RP1: variants seen among roughly 807,000 people sequenced by gnomAD.
RP1 encodes oxygen-regulated protein 1.
In RP1, 16 loss-of-function variants were observed where a neutral mutation model predicts 14.8. The ratio of observed to expected loss-of-function variants is 1.08; its 90% CI spans 0.73 to 1.65. RP1 has a LOEUF of 1.65. RP1 is among the 40% of genes most tolerant of loss of function. The pLI is 0.00. For missense variants in RP1, 2,631 were observed against 2,535.0 expected (o/e 1.04, Z -0.81); for synonymous variants, 876 against 883.6 (o/e 0.99, Z 0.15).
chr8:54,600,004 C>T (rs1412053126), intron 1 of RP1, among the ~76,000 whole-genome samples: 1 of 152,078 alleles, frequency 6.6e-6, no homozygotes, highest in African/African-American at 2.4e-5. Context: ...GAGGGGTACA[C>T]CTTATTACTA....
At chr8:54,616,467 G>A (rs1261526698) in intron 1 of RP1, among the ~76,000 whole-genome samples, 2 of 152,118 alleles carry the variant, frequency 1.3e-5, no homozygotes, top group African/African-American at 4.8e-5. Flanking sequence ...CTTTGTTTCT[G>A]ACAATAAAAG....
At chr8:54,851,561 C>G (rs1214789345) in intron 25 of RP1, among the ~76,000 whole-genome samples, 1 of 152,154 alleles carries the variant, frequency 6.6e-6, no homozygotes, top group Non-Finnish European at 1.5e-5. Context: ...GTCAGACCAG[C>G]TCTTCTTTAT....
chr8:54,806,264 G>A (rs1052056247), intron 24 of RP1, among the ~76,000 whole-genome samples: 3 of 152,024 alleles, frequency 2.0e-5, no homozygotes, highest in Non-Finnish European at 4.4e-5. Flanking sequence ...TGATCCACCC[G>A]TCTTGGCCTC....
At chr8:54,769,824 A>G in exon 23 of RP1, 10 of 1,499,142 alleles carry the variant, frequency 6.7e-6, no homozygotes, top group Non-Finnish European at 9.0e-6. Flanking sequence ...AACCATCAGT[A>G]GAAGAAAGTA....
At chr8:54,661,813 G>A (rs1806905511) in intron 6 of RP1, among the ~76,000 whole-genome samples, 1 of 152,014 alleles carries the variant, frequency 6.6e-6, no homozygotes, top group Admixed American at 6.5e-5. Context: ...TTTCTGTGTT[G>A]TTAGATTGGA....
chr8:54,666,034 CAT>C (rs1266716441), intron 7 of RP1, among the ~76,000 whole-genome samples: 1 of 151,980 alleles, frequency 6.6e-6, no homozygotes, highest in East Asian at 1.9e-4. Flanking sequence ...TGCCTATCCC[CAT>C]CAGCTCCTAC....
chr8:54,781,343 G>A (rs1485744181), intron 23 of RP1, among the ~76,000 whole-genome samples: 1 of 152,086 alleles, frequency 6.6e-6, no homozygotes, highest in Non-Finnish European at 1.5e-5. Flanking sequence ...TTTCCAAAGG[G>A]ATTAACAGAT....
chr8:54,865,144 C>T (rs1047972487), intron 27 of RP1, among the ~76,000 whole-genome samples: 1 of 151,636 alleles, frequency 6.6e-6, no homozygotes, highest in Non-Finnish European at 1.5e-5. Flanking sequence ...GCTTTTTAAC[C>T]TTTTCTCTCT....
At chr8:54,641,224 C>T (rs1038237410) in intron 3 of RP1, among the ~76,000 whole-genome samples, 3 of 152,074 alleles carry the variant, frequency 2.0e-5, no homozygotes, top group Non-Finnish European at 4.4e-5. Flanking sequence ...GGATTACAGG[C>T]GTGAGCCACT....
chr8:54,641,603 C>T (rs1806455870), intron 3 of RP1, among the ~76,000 whole-genome samples: 1 of 152,072 alleles, frequency 6.6e-6, no homozygotes, highest in African/African-American at 2.4e-5. Flanking sequence ...GGCCCCAAAC[C>T]ATTGTATATT....
chr8:54,698,651 A>G (rs1807933681), intron 12 of RP1, among the ~76,000 whole-genome samples: 1 of 152,234 alleles, frequency 6.6e-6, no homozygotes, highest in Non-Finnish European at 1.5e-5. Context: ...ATGTCCATCA[A>G]TGATAGACTG....
At chr8:54,567,318 G>T (rs1327820945) in intron 1 of RP1, among the ~76,000 whole-genome samples, 1 of 152,138 alleles carries the variant, frequency 6.6e-6, no homozygotes, top group Non-Finnish European at 1.5e-5. Context: ...GTTTAACCTG[G>T]ACATCAGTAT....
At chr8:54,688,838 A>G (rs1176408451) in intron 12 of RP1, among the ~76,000 whole-genome samples, 6 of 152,116 alleles carry the variant, frequency 3.9e-5, no homozygotes, top group Admixed American at 3.3e-4. Context: ...GTTTTTTCCA[A>G]TTCTGTGAAG....
rs888991565 is a variant in RP1, at chr8:54,585,626, G to A, written c.-13+26306G>A. 9.2e-5 allele frequency among the ~76,000 whole-genome samples: 14 copies of A among 152,174 alleles called. No individual in the cohort carries two copies. In the East Asian group the frequency reaches 1.9e-3, roughly 21 times the overall value. ...TGGTTGCGTTATCCCCGTCACTTTC[G>A]GGTACACCAATAAGAGGTAGATTTG... On this transcript the variant is annotated intron_variant, in intron 1 of 22. Coordinates refer to the RP1 transcript ENST00000636932.
chr8:54,651,904 T>C (rs568346208), intron 4 of RP1, among the ~76,000 whole-genome samples: 22 of 152,264 alleles, frequency 1.4e-4, no homozygotes, highest in African/African-American at 5.3e-4. Flanking sequence ...TTTTTCCATA[T>C]TTTTGTGTTA....
chr8:54,638,386 C>T (rs1488372368), intron 3 of RP1, among the ~76,000 whole-genome samples: 3 of 149,476 alleles, frequency 2.0e-5, no homozygotes, highest in East Asian at 2.0e-4. Flanking sequence ...TGCAGTGAGC[C>T]GAGATCGCGC....
At chr8:54,685,751 G>A (rs1408884868) in intron 12 of RP1, among the ~76,000 whole-genome samples, 1 of 152,120 alleles carries the variant, frequency 6.6e-6, no homozygotes, top group African/African-American at 2.4e-5. Flanking sequence ...ATGTGGCCTG[G>A]GGAAGCCAAA....
intron 24 of RP1, among the ~76,000 whole-genome samples, chr8:54,808,631 A>C (rs1368033847): frequency 6.6e-6 from 1 of 152,122 alleles, no homozygotes; most frequent in Non-Finnish European, 1.5e-5. Context: ...TTCATTTTTC[A>C]CTTGACCATT....
At chr8:54,740,773 G>C (rs1809061988) in intron 19 of RP1, among the ~76,000 whole-genome samples, 1 of 152,018 alleles carries the variant, frequency 6.6e-6, no homozygotes, top group Non-Finnish European at 1.5e-5. Context: ...GCCGGGTGCG[G>C]TGGATCATGC....
Sources: gnomAD v4.1 joint callset for allele counts (sites outside exome capture counted in the v4.1 genomes callset) on GRCh38, gnomAD v4.1.1 for gene constraint, MANE v1.5 for transcripts, NCBI Gene and HGNC (gene_info 2026-07-23, HGNC 2026-07-21) for gene names.